CCSER1: variants seen among roughly 807,000 people sequenced by gnomAD.
CCSER1 encodes the protein coiled-coil serine rich protein 1, also known as serine-rich coiled-coil domain-containing protein 1.
A neutral mutation model predicts 82.0 loss-of-function variants in CCSER1; 41 were observed. The observed-to-expected ratio is 0.50, with a 90% CI of 0.39 to 0.65. CCSER1 has a LOEUF of 0.65. CCSER1 is among the 30% of genes least tolerant of loss of function. The probability of loss-of-function intolerance (pLI) is 0.00; values close to 1 mark genes in which losing one functional copy is unlikely to be tolerated. For synonymous variants in CCSER1, 414 were observed against 383.9 expected (o/e 1.08, Z -0.92); for missense variants, 1,119 against 1,064.2 (o/e 1.05, Z -0.72).
At chr4:91,407,262 A>AAATT (rs1267055903) in intron 10 of CCSER1, among the ~76,000 whole-genome samples, 1 of 152,206 alleles carries the variant, frequency 6.6e-6, no homozygotes, top group African/African-American at 2.4e-5. Context: ...AAGATTTTAA[A>AAATT]AATTAAGATG....
chr4:90,641,957 G>A (rs1468466012), intron 6 of CCSER1: 1 of 344,112 alleles, frequency 2.9e-6, no homozygotes, highest in Admixed American at 2.6e-5. Flanking sequence ...CATGAATCCA[G>A]CATTAATGTT....
At chr4:90,975,670 T>C (rs948766692) in intron 9 of CCSER1, among the ~76,000 whole-genome samples, 1 of 151,210 alleles carries the variant, frequency 6.6e-6, no homozygotes, top group Admixed American at 6.6e-5. Context: ...TCATTGTCAT[T>C]GTTATTTTTG....
intron 10 of CCSER1, among the ~76,000 whole-genome samples, chr4:91,259,966 T>C (rs1221082892): frequency 6.6e-6 from 1 of 152,218 alleles, no homozygotes; most frequent in East Asian, 1.9e-4. Flanking sequence ...AAGGAATCTG[T>C]TGCAATAAGA....
chr4:90,359,751 T>A (rs1350573066), intron 3 of CCSER1, among the ~76,000 whole-genome samples: 1 of 143,096 alleles, frequency 7.0e-6, no homozygotes, highest in Non-Finnish European at 1.6e-5. Flanking sequence ...AAAATAAAAA[T>A]AAATAAAATA....
At chr4:90,213,916 A>G (rs1314779966) in intron 1 of CCSER1, among the ~76,000 whole-genome samples, 1 of 152,158 alleles carries the variant, frequency 6.6e-6, no homozygotes, top group Non-Finnish European at 1.5e-5. Flanking sequence ...AGGATGAGAG[A>G]TGCTTTTGAA....
intron 1 of CCSER1, among the ~76,000 whole-genome samples, chr4:90,280,884 T>C (rs1007476249): frequency 1.3e-5 from 2 of 151,948 alleles, no homozygotes; most frequent in Non-Finnish European, 2.9e-5. Flanking sequence ...TTTTAGTAGT[T>C]CCATTCCTTT....
chr4:91,017,824 TG>T (rs1739568216), intron 9 of CCSER1, among the ~76,000 whole-genome samples: 1 of 142,130 alleles, frequency 7.0e-6, no homozygotes, highest in Non-Finnish European at 1.6e-5. Context: ...TGTGTGTGTG[TG>T]TGTGTGTGTG....
At chr4:90,872,711 C>T (rs1011703847) in intron 8 of CCSER1, among the ~76,000 whole-genome samples, 3 of 151,826 alleles carry the variant, frequency 2.0e-5, no homozygotes, top group Admixed American at 6.6e-5. Flanking sequence ...TACCGGTGAA[C>T]TTTGTACCTT....
intron 4 of CCSER1, among the ~76,000 whole-genome samples, chr4:90,406,621 A>T (rs1429438769): frequency 1.3e-5 from 2 of 152,212 alleles, no homozygotes. Context: ...AACAAGTCTC[A>T]GTAAATTTAA....
At chr4:91,429,155 C>A (rs1012809111) in intron 10 of CCSER1, among the ~76,000 whole-genome samples, 1 of 151,798 alleles carries the variant, frequency 6.6e-6, no homozygotes, top group African/African-American at 2.4e-5. Context: ...TTTATGCCAT[C>A]ACAGAATAAA....
At chr4:90,582,641 G>A (rs1441192017) in intron 5 of CCSER1, among the ~76,000 whole-genome samples, 1 of 152,154 alleles carries the variant, frequency 6.6e-6, no homozygotes, top group Non-Finnish European at 1.5e-5. Flanking sequence ...TGTGTGAGGT[G>A]AACTCCTTTG....
intron 6 of CCSER1, among the ~76,000 whole-genome samples, chr4:90,638,053 C>T (rs1725749435): frequency 6.6e-6 from 1 of 152,096 alleles, no homozygotes; most frequent in South Asian, 2.1e-4. Context: ...CCTACTCTAA[C>T]TTGAAATAGG....
At chr4:91,178,937 A>T (rs1212897713) in intron 10 of CCSER1, among the ~76,000 whole-genome samples, 1 of 152,164 alleles carries the variant, frequency 6.6e-6, no homozygotes. Context: ...AGTGGCTGGT[A>T]CCAGTTGTTC....
intron 10 of CCSER1, among the ~76,000 whole-genome samples, chr4:91,480,209 G>A (rs1476035318): frequency 6.6e-6 from 1 of 152,064 alleles, no homozygotes; most frequent in African/African-American, 2.4e-5. Context: ...ACATACATGT[G>A]CATGTGTCTT....
At chr4:91,547,701 T>TA (rs1240433905) in intron 10 of CCSER1, among the ~76,000 whole-genome samples, 1 of 152,228 alleles carries the variant, frequency 6.6e-6, no homozygotes, top group East Asian at 1.9e-4. Flanking sequence ...GTCATACTAA[T>TA]ATGTATCATA....
chr4:90,975,571 C>G (rs1462606605), intron 9 of CCSER1, among the ~76,000 whole-genome samples: 2 of 151,040 alleles, frequency 1.3e-5, no homozygotes, highest in Non-Finnish European at 3.0e-5. Context: ...AACTGTCAAA[C>G]ACGGAAACAG....
At chr4:90,885,010 A>G (rs1228243473) in intron 8 of CCSER1, among the ~76,000 whole-genome samples, 2 of 152,190 alleles carry the variant, frequency 1.3e-5, no homozygotes, top group East Asian at 1.9e-4. Context: ...ATATTTTAAT[A>G]TATGACTTCT....
chr4:91,314,331 T>A (rs1047169124), intron 10 of CCSER1, among the ~76,000 whole-genome samples: 1 of 152,030 alleles, frequency 6.6e-6, no homozygotes, highest in African/African-American at 2.4e-5. Flanking sequence ...ATCTTCCTCA[T>A]ACTTTGCACT....
chr4:90,658,194 G>T (rs1040750280), intron 6 of CCSER1, among the ~76,000 whole-genome samples: 3 of 152,016 alleles, frequency 2.0e-5, no homozygotes, highest in Non-Finnish European at 4.4e-5. Flanking sequence ...TTTTATTTAT[G>T]TATTTATTTG....
Sources: allele counts gnomAD v4.1 joint callset (sites outside exome capture counted in the v4.1 genomes callset), GRCh38; gene constraint gnomAD v4.1.1; transcripts MANE v1.5; gene names NCBI Gene and HGNC (gene_info 2026-07-23, HGNC 2026-07-21).